The following TSPAN16 variants were observed in gnomAD, a reference collection of about 807,000 sequenced individuals.
The protein encoded by TSPAN16 is tetraspanin 16, also known as tetraspanin-16.
TSPAN16 carries 23 observed loss-of-function variants against 25.2 expected under a neutral mutation model. The ratio of observed to expected loss-of-function variants is 0.91; its 90% CI spans 0.66 to 1.29. TSPAN16 has a LOEUF of 1.29. TSPAN16 is among the 50% of genes most tolerant of loss of function. The pLI, the probability that TSPAN16 is intolerant of heterozygous loss-of-function variation, is 0.00. For missense variants in TSPAN16, 272 were observed against 299.9 expected (o/e 0.91, Z 0.69); for synonymous variants, 123 against 124.4 (o/e 0.99, Z 0.08).
At chr19:11,302,315 G>C (rs144986844) in intron 4 of TSPAN16, among the ~76,000 whole-genome samples, 118 of 151,942 alleles carry the variant, frequency 7.8e-4, no homozygotes, top group African/African-American at 2.1e-3. Flanking sequence ...ATATGAATCT[G>C]ACGACTCTAG....
chr19:11,304,714 C>T (rs1019264952), intron 4 of TSPAN16, among the ~76,000 whole-genome samples: 10 of 151,772 alleles, frequency 6.6e-5, no homozygotes, highest in Admixed American at 2.6e-4. Flanking sequence ...TTAGTAGAAA[C>T]GGGGTTTCAC....
At chr19:11,319,526 A>T (rs1191408712), downstream of TSPAN16, among the ~76,000 whole-genome samples, 2 of 152,078 alleles carry the variant, frequency 1.3e-5, no homozygotes, top group South Asian at 2.1e-4. Context: ...TTGAACCGGG[A>T]GGCGGAGCTT....
chr19:11,324,886 G>A (rs1192240433), intron 6 of TSPAN16: 1 of 152,584 alleles, frequency 6.6e-6, no homozygotes, highest in Non-Finnish European at 1.5e-5. Context: ...CAGAAAGTTC[G>A]TGGGGGCAGG....
intron 6 of TSPAN16, chr19:11,325,117 A>G (rs2080803803): frequency 2.9e-6 from 1 of 344,442 alleles, no homozygotes; most frequent in Non-Finnish European, 5.5e-6. Flanking sequence ...GCCACCCTCA[A>G]CACACCCTGG....
At chr19:11,297,805 T>G (rs1028306414) in intron 1 of TSPAN16, among the ~76,000 whole-genome samples, 7 of 150,298 alleles carry the variant, frequency 4.7e-5, no homozygotes, top group Admixed American at 1.3e-4. Context: ...CCTATTTTAT[T>G]TTTTGAGACA....
chr19:11,300,958 G>C, intron 3 of TSPAN16: 1 of 393,262 alleles, frequency 2.5e-6, no homozygotes. Flanking sequence ...ATTCGTGTGC[G>C]ATGGGTACAG....
downstream of TSPAN16, among the ~76,000 whole-genome samples, chr19:11,319,472 C>T (rs2080765060): frequency 6.6e-6 from 1 of 152,026 alleles, no homozygotes; most frequent in Admixed American, 6.6e-5. Context: ...GTGGCACACG[C>T]CCTGTAATCC....
intron 4 of TSPAN16, among the ~76,000 whole-genome samples, chr19:11,302,877 C>T (rs1343149621): frequency 1.3e-5 from 2 of 150,418 alleles, no homozygotes; most frequent in Non-Finnish European, 2.9e-5. Context: ...TGCCACCATG[C>T]CTGGCTAATT....
chr19:11,316,310 G>A (rs1290295408), downstream of TSPAN16, among the ~76,000 whole-genome samples: 1 of 151,888 alleles, frequency 6.6e-6, no homozygotes, highest in Non-Finnish European at 1.5e-5. Flanking sequence ...AGTAGAGATG[G>A]GGTTTCACCA....
intron 5 of TSPAN16, among the ~76,000 whole-genome samples, chr19:11,309,333 G>A (rs1171268627): frequency 6.6e-6 from 1 of 152,188 alleles, no homozygotes; most frequent in African/African-American, 2.4e-5. Flanking sequence ...CCAGGCAGGG[G>A]CCTCAGAGAC....
chr19:11,316,085 T>TGG (rs1443328443), downstream of TSPAN16: 4 of 321,668 alleles, frequency 1.2e-5, no homozygotes, highest in East Asian at 7.6e-5. Context: ...AAATTATTCT[T>TGG]GGTGTGTGTG....
chr19:11,302,669 A>ATATATGTG (rs1555703605), intron 4 of TSPAN16, among the ~76,000 whole-genome samples: 11 of 127,126 alleles, frequency 8.7e-5, no homozygotes, highest in African/African-American at 4.1e-4. Flanking sequence ...ACATATATAT[A>ATATATGTG]TATATATATA....
At chr19:11,302,674 T>TACACACACACAC (rs1388088474) in intron 4 of TSPAN16, among the ~76,000 whole-genome samples, 1 of 128,648 alleles carries the variant, frequency 7.8e-6, no homozygotes, top group Non-Finnish European at 1.5e-5. Flanking sequence ...TATATATATA[T>TACACACACACAC]ATATACACAC....
downstream of TSPAN16, among the ~76,000 whole-genome samples, chr19:11,320,291 G>C (rs1599351701): frequency 6.6e-6 from 1 of 151,810 alleles, no homozygotes; most frequent in African/African-American, 2.4e-5. Flanking sequence ...CCAGCTATTT[G>C]TTATATTTTT....
chr19:11,311,873 C>T (rs939929427), intron 5 of TSPAN16, among the ~76,000 whole-genome samples: 1 of 152,116 alleles, frequency 6.6e-6, no homozygotes, highest in African/African-American at 2.4e-5. Flanking sequence ...CACTTAATTG[C>T]CACACTGGAA....
intron 5 of TSPAN16, among the ~76,000 whole-genome samples, chr19:11,310,563 T>C (rs322146): frequency 0.57 from 85,503 of 150,010 alleles, 25,507 homozygotes; most frequent in African/African-American, 0.74. Flanking sequence ...GGCCCTACCA[T>C]CTTCAGGAGG....
At position 11,301,377 on chromosome 19, in the gene TSPAN16, C is replaced by T. The variant is rs993857717; in HGVS notation, c.450+69C>T. The T allele has an allele frequency of 3.5e-5, 42 of 1,199,368 alleles. 1 individual carries two copies. Among genetic ancestry groups the T allele is most frequent in the Admixed American group, 5.4e-5 (3 of 55,884 alleles). 74.3% of individuals were successfully genotyped at this position (1,199,368 alleles called of 1,614,324 possible). ...CAACATGGGCGGGCGAAGTGGCTCA[C>T]ACCTGTAATCCCAGCACTTTGGGAG... On this transcript the variant is annotated intron_variant, in intron 4 of 6. Coordinates refer to ENST00000590327, the MANE Select transcript of TSPAN16 (RefSeq NM_001282509.2).
In TSPAN16 at chr19:11,299,205, G is replaced by A. The variant is rs554280474; in HGVS notation, c.342+259G>A. ...TGAGGCAGGATAATCCCTTGAACCCGGGAGGCAGAGGTTGCAGTGAGCCAA... is the reference window on the plus strand; with the variant it reads ...TGAGGCAGGATAATCCCTTGAACCCAGGAGGCAGAGGTTGCAGTGAGCCAA... On this transcript the variant is annotated intron_variant, in intron 3 of 6. Transcript: ENST00000590327. Among the ~76,000 whole-genome samples, 233 of 152,074 alleles carry A rather than the reference G, an allele frequency of 1.5e-3. 1 individual carries two copies. The highest frequency in any genetic ancestry group is 5.4e-3 in the African/African-American group (223 of 41,474).
intron 4 of TSPAN16, among the ~76,000 whole-genome samples, chr19:11,302,951 T>A (rs556294305): frequency 6.7e-6 from 1 of 149,890 alleles, no homozygotes; most frequent in Non-Finnish European, 1.5e-5. Flanking sequence ...TAAAAACTCC[T>A]GGCCTCAGCC....
Sources: allele counts gnomAD v4.1 joint callset (sites outside exome capture counted in the v4.1 genomes callset), GRCh38; gene constraint gnomAD v4.1.1; transcripts MANE v1.5; gene names NCBI Gene and HGNC (gene_info 2026-07-23, HGNC 2026-07-21).